ATL3: variants seen among roughly 807,000 people sequenced by gnomAD.
ATL3 encodes the protein atlastin-3.
Under a neutral mutation model 69.5 loss-of-function variants are expected in ATL3, and 49 were observed. That is an observed-to-expected ratio of 0.71 (90% confidence interval 0.56 to 0.89). The LOEUF (loss-of-function observed/expected upper bound fraction) is 0.89, where lower values mean the gene tolerates loss of function less well. Ranked by LOEUF, ATL3 falls within the 40% of genes least tolerant of loss-of-function variation. The probability of loss-of-function intolerance (pLI) is 0.00; values close to 1 mark genes in which losing one functional copy is unlikely to be tolerated. For synonymous variants in ATL3, 214 were observed against 224.1 expected, an observed-to-expected ratio of 0.95 and a Z score of 0.40; for missense variants, 606 against 645.7, an observed-to-expected ratio of 0.94 and a Z score of 0.67.
chr11:63,660,618 T>C (rs1384636286), intron 1 of ATL3, among the ~76,000 whole-genome samples: 1 of 152,122 alleles, frequency 6.6e-6, no homozygotes, highest in African/African-American at 2.4e-5. Context: ...TATACAAGAA[T>C]GTTGAGCTGG....
At chr11:63,640,456 AT>A (rs1303987634) in intron 8 of ATL3, among the ~76,000 whole-genome samples, 483 of 139,306 alleles carry the variant, frequency 3.5e-3, no homozygotes, top group Non-Finnish European at 3.3e-3. Context: ...TCCAGCTAGT[AT>A]TTTTTTTTTT....
At chr11:63,641,412 T>C (rs1045381909) in intron 8 of ATL3, among the ~76,000 whole-genome samples, 10 of 152,316 alleles carry the variant, frequency 6.6e-5, no homozygotes, top group Admixed American at 6.5e-4. Flanking sequence ...GGAAACAGTC[T>C]TGCAAATGTA....
In ATL3 at chr11:63,671,290, C is replaced by G. The variant is rs754345605; in HGVS notation, c.46G>C (p.Asp16His). The G allele has an allele frequency of 5.7e-6, 9 of 1,583,900 alleles. No individual in the cohort carries two copies. Among genetic ancestry groups the G allele is most frequent in the Non-Finnish European group, 7.7e-6 (9 of 1,167,184 alleles). The change falls in exon 1 of 13, where the codon GAT becomes CAT. Residue 16 changes from aspartate (D) to histidine (H), a missense_variant and splice_region_variant. Physicochemically the swap from Asp to His is moderately conservative, Grantham distance 81. Coordinates refer to ENST00000398868, the MANE Select transcript of ATL3 (RefSeq NM_015459.5). ...RVAAAASRGA[D>H]DAMESSKPGP... ...GATCCAGGGAAAATCGGCGCCTCAC[C>G]TGCTCCTCTTGAGGCAGCTGCTGCC...
At chr11:63,669,542 GA>G (rs959971537) in intron 1 of ATL3, among the ~76,000 whole-genome samples, 1 of 149,676 alleles carries the variant, frequency 6.7e-6, no homozygotes, top group Non-Finnish European at 1.5e-5. Context: ...CTCACCAGAA[GA>G]AAAAAAAAGA....
chr11:63,630,932 C>T lies in ATL3; in HGVS notation c.1539+108G>A, dbSNP rs946357359. On this transcript the variant is annotated intron_variant, in intron 12 of 12. Coordinates refer to ENST00000398868, the MANE Select transcript of ATL3 (RefSeq NM_015459.5). ...AAAACAACAGCCAACGGAGTGGCCA[C>T]TGTCTCATGTCTTCACTATGAAATT... 26 of 1,085,406 alleles carry T rather than the reference C, an allele frequency of 2.4e-5. 3 individuals carry two copies. In the Admixed American group the frequency reaches 5.2e-4, roughly 22 times the overall value. The allele number at this position is 1,085,406 out of a possible 1,614,324, so 67.2% of individuals were successfully genotyped here.
chr11:63,632,405 G>A, intron 11 of ATL3: 1 of 849,802 alleles, frequency 1.2e-6, no homozygotes, highest in Middle Eastern at 2.2e-4. Flanking sequence ...CATTTTGATA[G>A]TATCCAAAGA....
Position 63,671,225 on chromosome 11 carries a change from A to C in ATL3, c.46+65T>G, listed in dbSNP as rs1940762955. On this transcript the variant is annotated intron_variant, in intron 1 of 12. Coordinates refer to ENST00000398868, the MANE Select transcript of ATL3 (RefSeq NM_015459.5). Reference sequence around the variant, plus strand: ...GGCGGCGCGGGCGGGGGTTCTTTTCAGAACTACAGCAGGGAAGGCGGCGGG... The same window carrying C: ...GGCGGCGCGGGCGGGGGTTCTTTTCCGAACTACAGCAGGGAAGGCGGCGGG... 10 of 1,504,152 alleles carry C rather than the reference A, an allele frequency of 6.6e-6. No individual in the cohort carries two copies. In the South Asian group the frequency reaches 1.2e-4, roughly 19 times the overall value. 93.2% of individuals were successfully genotyped at this position (1,504,152 alleles called of 1,614,324 possible).
chr11:63,635,804 G>C lies in ATL3; in HGVS notation c.979-214C>G, dbSNP rs529203879. Among the ~76,000 whole-genome samples the C allele has an allele frequency of 3.3e-5, 5 of 150,180 alleles. No homozygotes were observed. In the South Asian group the frequency reaches 1.1e-3, roughly 32 times the overall value. ...AAGCAGCACAAGCCTACAGAGGCTAGGATTCCCATCCAGCTCCCCATGCAC... is the reference window on the plus strand; with the variant it reads ...AAGCAGCACAAGCCTACAGAGGCTACGATTCCCATCCAGCTCCCCATGCAC... On this transcript the variant is annotated intron_variant, in intron 9 of 12. Transcript: ENST00000398868.
intron 1 of ATL3, among the ~76,000 whole-genome samples, chr11:63,661,653 G>A (rs1412084657): frequency 6.6e-6 from 1 of 151,820 alleles, no homozygotes; most frequent in African/African-American, 2.4e-5. Flanking sequence ...ACTTTGGGAG[G>A]CCGAGGCGGG....
At chr11:63,671,797 G>A, upstream of ATL3, 1 of 1,130,908 alleles carries the variant, frequency 8.8e-7, no homozygotes, top group Non-Finnish European at 1.1e-6. Flanking sequence ...GCGGGAAGGG[G>A]CGGGCTGGCT....
chr11:63,646,695 G>T, intron 5 of ATL3, 132 bp from the exon 6 acceptor site: 1 of 511,736 alleles, frequency 2.0e-6, no homozygotes, highest in Non-Finnish European at 3.5e-6. Flanking sequence ...CAGGAGTCAT[G>T]AACCTTAAAA....
rs766102336 is a variant in ATL3, at chr11:63,658,723, T to C, written c.405+38A>G. On this transcript the variant is annotated intron_variant, in intron 3 of 12. Transcript: ENST00000398868. Reference sequence around the variant, plus strand: ...ACATGCTGAAGTTCATATTTTGTTGTTGTTGTTGTTAATCTGTAAGGTCAT... The same window carrying C: ...ACATGCTGAAGTTCATATTTTGTTGCTGTTGTTGTTAATCTGTAAGGTCAT... The C allele has an allele frequency of 1.9e-6, 3 of 1,564,898 alleles. No homozygotes were observed. In the South Asian group the frequency reaches 3.6e-5, roughly 19 times the overall value.
At chr11:63,670,127 T>C (rs989565921) in intron 1 of ATL3, among the ~76,000 whole-genome samples, 1 of 151,936 alleles carries the variant, frequency 6.6e-6, no homozygotes, top group Non-Finnish European at 1.5e-5. Flanking sequence ...AATAAAACAA[T>C]GTGCTGGACT....
In ATL3 at chr11:63,627,656, T is replaced by C. The variant is rs898686167; in HGVS notation, c.*1663A>G. On this transcript the variant is annotated 3_prime_UTR_variant, in exon 13 of 13. Transcript: ENST00000398868. The stretch of plus-strand genomic sequence containing the variant: ...AAATTAAGGCTTATATACCTGAATG[T>C]TTATATAAATACTTGCAGGCAAGTT... 3.3e-5 allele frequency: 5 copies of C among 152,180 alleles called. No individual in the cohort carries two copies. The highest frequency in any genetic ancestry group is 1.2e-4 in the African/African-American group (5 of 41,448). The allele number at this position is 152,180 out of a possible 1,614,324, so 9.4% of individuals were successfully genotyped here.
intron 8 of ATL3, among the ~76,000 whole-genome samples, chr11:63,638,461 T>A (rs1179536431): frequency 6.6e-6 from 1 of 152,146 alleles, no homozygotes; most frequent in Admixed American, 6.5e-5. Flanking sequence ...TCCCAGCACC[T>A]TGGGAGGCCA....
intron 5 of ATL3, chr11:63,650,735 T>C (rs925999370): frequency 2.0e-5 from 3 of 152,218 alleles, no homozygotes; most frequent in Admixed American, 2.0e-4. Context: ...CTTGGCCCTC[T>C]ACCTCACACA....
At chr11:63,632,077 G>A (rs1277283870) in intron 11 of ATL3, among the ~76,000 whole-genome samples, 8 of 152,160 alleles carry the variant, frequency 5.3e-5, no homozygotes, top group Admixed American at 2.0e-4. Flanking sequence ...TTTGGGACCC[G>A]AGGATTCCTG....
At chr11:63,662,926 G>A (rs1940465346) in intron 1 of ATL3, among the ~76,000 whole-genome samples, 1 of 152,076 alleles carries the variant, frequency 6.6e-6, no homozygotes, top group African/African-American at 2.4e-5. Flanking sequence ...GCTTAGTACT[G>A]ACAGGCAGAC....
chr11:63,655,947 T>A (rs1053075792), intron 3 of ATL3, among the ~76,000 whole-genome samples: 1 of 152,108 alleles, frequency 6.6e-6, no homozygotes, highest in Non-Finnish European at 1.5e-5. Flanking sequence ...TACATCAGCC[T>A]GGCGCAGTGG....
Sources: allele counts gnomAD v4.1 joint callset (sites outside exome capture counted in the v4.1 genomes callset), GRCh38; gene constraint gnomAD v4.1.1; transcripts MANE v1.5; gene names NCBI Gene and HGNC (gene_info 2026-07-23, HGNC 2026-07-21).